CAPZA2: variants seen among roughly 807,000 people sequenced by gnomAD.
CAPZA2 encodes capping actin protein of muscle Z-line subunit alpha 2, also known as F-actin-capping protein subunit alpha-2.
Under a neutral mutation model 44.0 loss-of-function variants are expected in CAPZA2, and 13 were observed. That is an observed-to-expected ratio of 0.30 (90% confidence interval 0.19 to 0.47). The LOEUF (loss-of-function observed/expected upper bound fraction) is 0.47, where lower values mean the gene tolerates loss of function less well. Among genes scored for constraint, CAPZA2 ranks in the 20% least tolerant of loss-of-function variants. CAPZA2 has a pLI of 1.00. For missense variants in CAPZA2, 244 were observed against 338.6 expected (o/e 0.72, Z 2.19); for synonymous variants, 94 against 108.2 (o/e 0.87, Z 0.81).
At chr7:116,895,913 T>C (rs1796919189) in intron 3 of CAPZA2, among the ~76,000 whole-genome samples, 1 of 152,116 alleles carries the variant, frequency 6.6e-6, no homozygotes, top group South Asian at 2.1e-4. Flanking sequence ...TGAATTACTT[T>C]TGTCCTCAAA....
chr7:116,905,739 T>A (rs1489420880), intron 5 of CAPZA2, among the ~76,000 whole-genome samples: 5 of 152,226 alleles, frequency 3.3e-5, no homozygotes, highest in African/African-American at 1.2e-4. Context: ...AATTAATTAT[T>A]ATTTTTAAAG....
At chr7:116,885,382 T>C (rs1796750335) in intron 1 of CAPZA2, among the ~76,000 whole-genome samples, 1 of 152,036 alleles carries the variant, frequency 6.6e-6, no homozygotes, top group African/African-American at 2.4e-5. Flanking sequence ...AACACTTCTG[T>C]GACCCAGTGT....
chr7:116,912,379 A>G lies in CAPZA2; in HGVS notation c.657+239A>G, dbSNP rs550146048. Among the ~76,000 whole-genome samples the G allele has an allele frequency of 4.6e-5, 7 of 150,746 alleles. No homozygotes were observed. The South Asian group carries it at 1.0e-3, about 23-fold the overall frequency. On this transcript the variant is annotated intron_variant, in intron 8 of 9. Coordinates refer to ENST00000361183, the MANE Select transcript of CAPZA2 (RefSeq NM_006136.3). Reference sequence around the variant, plus strand: ...AAATTTTTCTCTTTTTTTTTTGTATATTACTAACAGGGTTGGACAGCAGTC... The same window carrying G: ...AAATTTTTCTCTTTTTTTTTTGTATGTTACTAACAGGGTTGGACAGCAGTC...
intron 2 of CAPZA2, among the ~76,000 whole-genome samples, chr7:116,890,240 A>G (rs896221010): frequency 2.2e-4 from 34 of 152,124 alleles, no homozygotes; most frequent in African/African-American, 8.0e-4. Context: ...TTGAGTTAAT[A>G]TATTCTCTGT....
In CAPZA2 at chr7:116,862,667, C is replaced by A. The variant is rs1796431794; in HGVS notation, c.39+17C>A. On this transcript the variant is annotated intron_variant, in intron 1 of 9. Coordinates refer to ENST00000361183, the MANE Select transcript of CAPZA2 (RefSeq NM_006136.3). The stretch of plus-strand genomic sequence containing the variant: ...GAAGAGAAGGTAAGAGTCGCGGGGG[C>A]GACGGCGCGGGCTGTCAGGAGCCGG... The A allele has an allele frequency of 1.2e-5, 19 of 1,536,362 alleles. No homozygotes were observed. Among genetic ancestry groups the A allele is most frequent in the Non-Finnish European group, 1.3e-5 (15 of 1,140,374 alleles).
intron 7 of CAPZA2, among the ~76,000 whole-genome samples, chr7:116,910,969 C>T (rs948395281): frequency 1.6e-5 from 2 of 124,534 alleles, no homozygotes; most frequent in South Asian, 2.4e-4. Context: ...CCAGCCTGGG[C>T]GACAGAACAA....
intron 1 of CAPZA2, among the ~76,000 whole-genome samples, chr7:116,879,231 T>C (rs955556195): frequency 6.6e-6 from 1 of 152,118 alleles, no homozygotes; most frequent in African/African-American, 2.4e-5. Flanking sequence ...CTAATATTAT[T>C]TATTCACCCA....
chr7:116,892,854 G>A (rs1437682051), intron 2 of CAPZA2, 140 bp from the exon 3 acceptor site: 4 of 403,918 alleles, frequency 9.9e-6, no homozygotes, highest in Non-Finnish European at 1.8e-5. Context: ...TGTGTGTTTG[G>A]TTATTTTGGT....
chr7:116,911,075 A>G (rs1791589704), intron 7 of CAPZA2, among the ~76,000 whole-genome samples: 2 of 151,704 alleles, frequency 1.3e-5, no homozygotes, highest in African/African-American at 4.8e-5. Context: ...GACAGACACC[A>G]AGTACTCGAT....
At chr7:116,909,945 G>C (rs1023581713) in intron 6 of CAPZA2, 1 of 373,428 alleles carries the variant, frequency 2.7e-6, no homozygotes, top group African/African-American at 2.1e-5. Context: ...GTGGCAAACA[G>C]CACTGCACAC....
At chr7:116,887,679 A>G (rs928579150) in intron 1 of CAPZA2, among the ~76,000 whole-genome samples, 1 of 152,054 alleles carries the variant, frequency 6.6e-6, no homozygotes, top group Non-Finnish European at 1.5e-5. Context: ...TAAAAATACA[A>G]AAAATTAGCT....
Position 116,912,042 on chromosome 7 carries a change from G to T in CAPZA2, c.586-27G>T, listed in dbSNP as rs373610478. On this transcript the variant is annotated intron_variant, in intron 7 of 9. Coordinates refer to ENST00000361183, the MANE Select transcript of CAPZA2 (RefSeq NM_006136.3). Reference sequence around the variant, plus strand: ...AGGTTCTTGATGATTCCTGTAATGTGGTTTCTGTAATTTCTTTTTCTAATA... The same window carrying T: ...AGGTTCTTGATGATTCCTGTAATGTTGTTTCTGTAATTTCTTTTTCTAATA... The T allele has an allele frequency of 4.3e-6, 7 of 1,609,804 alleles. No homozygotes were observed. The African/African-American group carries it at 9.4e-5, about 22-fold the overall frequency.
At chr7:116,917,249 T>C (rs1284201254) in intron 9 of CAPZA2, among the ~76,000 whole-genome samples, 1 of 151,968 alleles carries the variant, frequency 6.6e-6, no homozygotes, top group African/African-American at 2.4e-5. Context: ...GCTTTTATTT[T>C]ATTTATTTAT....
Position 116,920,330 on chromosome 7 carries a change from A to G in CAPZA2, c.*2463A>G, listed in dbSNP as rs1282176625. The G allele has an allele frequency of 6.6e-6, 1 of 152,142 alleles. No individual in the cohort carries two copies. Among genetic ancestry groups the G allele is most frequent in the East Asian group, 1.9e-4 (1 of 5,196 alleles). 9.4% of individuals were successfully genotyped at this position (152,142 alleles called of 1,614,324 possible). On this transcript the variant is annotated 3_prime_UTR_variant, in exon 10 of 10. Coordinates refer to ENST00000361183, the MANE Select transcript of CAPZA2 (RefSeq NM_006136.3). ...GAGTATCCTATAGCTCAGGGATGTA[A>G]TTTTAGTAGGAGACATTATGGCTGC...
rs758144968 is a variant in CAPZA2, at chr7:116,898,756, A to G, written c.156-16A>G. 4 of 1,534,320 alleles carry G rather than the reference A, an allele frequency of 2.6e-6. No individual in the cohort carries two copies. Among genetic ancestry groups the G allele is most frequent in the Non-Finnish European group, 2.6e-6 (3 of 1,133,474 alleles). Reference sequence around the variant, plus strand: ...AAATATATAATTTTAAGTAATTGCCATTTTCTTTTTTTTAGTGCATTTGCA... The same window carrying G: ...AAATATATAATTTTAAGTAATTGCCGTTTTCTTTTTTTTAGTGCATTTGCA... On this transcript the variant is annotated splice_polypyrimidine_tract_variant and intron_variant, in intron 3 of 9. Coordinates refer to ENST00000361183, the MANE Select transcript of CAPZA2 (RefSeq NM_006136.3).
intron 1 of CAPZA2, among the ~76,000 whole-genome samples, chr7:116,878,876 C>A (rs1279818375): frequency 6.6e-6 from 1 of 151,884 alleles, no homozygotes; most frequent in Admixed American, 6.6e-5. Flanking sequence ...ACCTGTAATC[C>A]CAGCACTTTG....
chr7:116,916,184 T>C (rs916470724), intron 9 of CAPZA2, 62 bp downstream of exon 9: 161 of 1,433,152 alleles, frequency 1.1e-4, no homozygotes, highest in Non-Finnish European at 1.5e-4. Context: ...ACTGAAATTT[T>C]AATTTCAGCC....
chr7:116,896,392 G>C (rs952470444), intron 3 of CAPZA2, among the ~76,000 whole-genome samples: 1 of 152,136 alleles, frequency 6.6e-6, no homozygotes, highest in Non-Finnish European at 1.5e-5. Context: ...GTGATGATGA[G>C]ATAAATAAGC....
Position 116,898,773 on chromosome 7 carries a change from G to A in CAPZA2, c.157G>A (p.Ala53Thr), listed in dbSNP as rs781298290. The A allele has an allele frequency of 6.4e-7, 1 of 1,572,082 alleles. No individual in the cohort carries two copies. Among genetic ancestry groups the A allele is most frequent in the East Asian group, 2.3e-5 (1 of 44,322 alleles). The change falls in exon 4 of 10, where the codon GCA becomes ACA. Residue 53 changes from alanine (A) to threonine (T), a missense_variant and splice_region_variant. Ala to Thr is a moderately conservative substitution (Grantham distance 58). Transcript: ENST00000361183. ...TAATTGCCATTTTCTTTTTTTTAGTGCATTTGCACAGTATAACTTGGACCA... is the reference window on the plus strand; with the variant it reads ...TAATTGCCATTTTCTTTTTTTTAGTACATTTGCACAGTATAACTTGGACCA... ...DNLLREGAAH[A>T]FAQYNLDQFT...
Sources: allele counts gnomAD v4.1 joint callset (sites outside exome capture counted in the v4.1 genomes callset), GRCh38; gene constraint gnomAD v4.1.1; transcripts MANE v1.5; gene names NCBI Gene and HGNC (gene_info 2026-07-23, HGNC 2026-07-21).